The following SPATA16 variants were observed in gnomAD, a reference collection of about 807,000 sequenced individuals.
The protein encoded by SPATA16 is spermatogenesis-associated protein 16.
SPATA16 carries 36 observed loss-of-function variants against 63.3 expected under a neutral mutation model. That is an observed-to-expected ratio of 0.57 (90% CI 0.44 to 0.75). The LOEUF is 0.75. Among genes scored for constraint, SPATA16 ranks in the 30% least tolerant of loss-of-function variants. SPATA16 has a pLI of 0.00. For synonymous variants in SPATA16, 203 were observed against 216.7 expected (o/e 0.94, Z 0.56); for missense variants, 646 against 679.3 (o/e 0.95, Z 0.54).
chr3:172,889,596 G>T lies in SPATA16; in HGVS notation c.1684C>A (p.Arg562=), dbSNP rs367568019. Reference sequence around the variant, plus strand: ...TACCTTTGCTGAACAGTTTGAAGTCGCTTCATTTTTGTTTTTTGCCTTCGA... The same window carrying T: ...TACCTTTGCTGAACAGTTTGAAGTCTCTTCATTTTTGTTTTTTGCCTTCGA... ...TARRQKTKMK[R]LQTVQQR is the part of the protein sequence containing the mutation. Residue 562 remains arginine, a synonymous_variant, in exon 11 of 11, where the codon CGA becomes AGA. Coordinates refer to ENST00000351008, the MANE Select transcript of SPATA16 (RefSeq NM_031955.6). 1 of 1,613,674 alleles carries T rather than the reference G, an allele frequency of 6.2e-7. No individual in the cohort carries two copies. Among genetic ancestry groups the T allele is most frequent in the Admixed American group, 1.7e-5 (1 of 60,010 alleles).
chr3:173,017,216 T>C (rs573978427), intron 4 of SPATA16, among the ~76,000 whole-genome samples: 1 of 152,348 alleles, frequency 6.6e-6, no homozygotes, highest in South Asian at 2.1e-4. Flanking sequence ...GTAATTGTAT[T>C]GCATCTCTAT....
At chr3:172,927,425 G>A (rs1220783868) in intron 6 of SPATA16, among the ~76,000 whole-genome samples, 1 of 152,182 alleles carries the variant, frequency 6.6e-6, no homozygotes, top group African/African-American at 2.4e-5. Flanking sequence ...CAAACACAGA[G>A]CAAAAACATC....
intron 4 of SPATA16, among the ~76,000 whole-genome samples, chr3:172,998,252 GT>G (rs1184427894): frequency 6.6e-6 from 1 of 151,966 alleles, no homozygotes; most frequent in Non-Finnish European, 1.5e-5. Context: ...CTTGTACATA[GT>G]TTTGTTAGAT....
Position 173,117,375 on chromosome 3 carries a change from G to A in SPATA16, c.357C>T (p.Asn119=), listed in dbSNP as rs1737932410. 6.2e-7 allele frequency: 1 copy of A among 1,614,152 alleles called. No homozygotes were observed. Among genetic ancestry groups the A allele is most frequent in the African/African-American group, 1.3e-5 (1 of 75,052 alleles). The change falls in exon 2 of 11, where the codon AAC becomes AAT. Residue 119 remains asparagine (N), a synonymous_variant. Transcript: ENST00000351008. ...TMPLPHIPLK[N]IMDVEMKLVY... ...CCAACTTCATTTCCACATCCATTAT[G>A]TTCTTTAAGGGGATGTGAGGCAGAG...
At chr3:172,938,354 G>A (rs1173901554) in intron 6 of SPATA16, among the ~76,000 whole-genome samples, 1 of 152,160 alleles carries the variant, frequency 6.6e-6, no homozygotes, top group African/African-American at 2.4e-5. Flanking sequence ...CAAACAATAG[G>A]GAAGAAGGAG....
intron 4 of SPATA16, among the ~76,000 whole-genome samples, chr3:172,984,233 A>G (rs1734389249): frequency 6.6e-6 from 1 of 152,078 alleles, no homozygotes; most frequent in African/African-American, 2.4e-5. Flanking sequence ...GGATATCTTC[A>G]TCATCTCTGG....
At chr3:173,040,936 A>G (rs1302326111) in intron 3 of SPATA16, among the ~76,000 whole-genome samples, 4 of 152,128 alleles carry the variant, frequency 2.6e-5, no homozygotes, top group Non-Finnish European at 5.9e-5. Context: ...AAGGTGTTGT[A>G]TAATAGTTGT....
At chr3:173,036,721 T>C (rs556565561) in intron 3 of SPATA16, among the ~76,000 whole-genome samples, 2 of 152,156 alleles carry the variant, frequency 1.3e-5, no homozygotes, top group African/African-American at 2.4e-5. Context: ...TTGTGTGACA[T>C]TGAATTTTGT....
At chr3:173,041,992 C>A (rs1024589698) in intron 3 of SPATA16, among the ~76,000 whole-genome samples, 7 of 152,036 alleles carry the variant, frequency 4.6e-5, no homozygotes, top group African/African-American at 1.4e-4. Flanking sequence ...TAAAATATCT[C>A]ATTTCTTGAT....
chr3:172,900,503 C>T (rs1008024177), intron 10 of SPATA16, among the ~76,000 whole-genome samples: 1 of 152,114 alleles, frequency 6.6e-6, no homozygotes, highest in Admixed American at 6.6e-5. Context: ...TTTTTTCATC[C>T]TGCCCACTCT....
At chr3:172,914,468 A>G (rs1732436607) in intron 9 of SPATA16, among the ~76,000 whole-genome samples, 2 of 152,212 alleles carry the variant, frequency 1.3e-5, no homozygotes, top group African/African-American at 4.8e-5. Flanking sequence ...GACATCAAAC[A>G]GTAATGGACC....
chr3:172,963,272 G>A (rs1219643107), intron 5 of SPATA16, among the ~76,000 whole-genome samples: 1 of 152,040 alleles, frequency 6.6e-6, no homozygotes, highest in Non-Finnish European at 1.5e-5. Flanking sequence ...GCCCAGTGAT[G>A]TGAAAGTTAT....
rs553558521 is a variant in SPATA16, at chr3:172,969,525, T to A, written c.933+7443A>T. 3.3e-5 allele frequency among the ~76,000 whole-genome samples: 5 copies of A among 152,296 alleles called. No individual in the cohort carries two copies. The East Asian group carries it at 9.7e-4, about 29-fold the overall frequency. On this transcript the variant is annotated intron_variant, in intron 5 of 10. Coordinates refer to ENST00000351008, the MANE Select transcript of SPATA16 (RefSeq NM_031955.6). Reference sequence around the variant, plus strand: ...CAATAGAAAAATACAGTTTTTAGTATCCCACTCAACTCTAGGAATCTAATA... The same window carrying A: ...CAATAGAAAAATACAGTTTTTAGTAACCCACTCAACTCTAGGAATCTAATA...
At chr3:172,958,773 T>C (rs1208874801) in intron 5 of SPATA16, among the ~76,000 whole-genome samples, 4 of 152,074 alleles carry the variant, frequency 2.6e-5, no homozygotes, top group Admixed American at 6.6e-5. Context: ...TCATTCCTCT[T>C]TGTGTGTGTG....
chr3:173,034,984 C>T (rs1735682522), intron 3 of SPATA16, among the ~76,000 whole-genome samples: 1 of 152,150 alleles, frequency 6.6e-6, no homozygotes, highest in Non-Finnish European at 1.5e-5. Context: ...TGTATTGAGT[C>T]TCAACCTGTT....
chr3:172,926,073 G>C (rs1732726755), intron 6 of SPATA16, among the ~76,000 whole-genome samples: 9 of 152,002 alleles, frequency 5.9e-5, no homozygotes, highest in Admixed American at 5.3e-4. Context: ...TGATCTACCT[G>C]CCTTGGCCTC....
At chr3:172,918,690 A>G (rs188382494) in intron 8 of SPATA16, among the ~76,000 whole-genome samples, 38 of 152,244 alleles carry the variant, frequency 2.5e-4, no homozygotes, top group Admixed American at 2.4e-3. Context: ...GCTAACAAAG[A>G]CTAAATCTAA....
chr3:172,952,161 T>C (rs1477095107), intron 6 of SPATA16, among the ~76,000 whole-genome samples: 2 of 152,162 alleles, frequency 1.3e-5, no homozygotes, highest in Non-Finnish European at 2.9e-5. Flanking sequence ...AATAGATATA[T>C]GTACAAATGC....
At chr3:173,020,878 C>T (rs1735314639) in intron 3 of SPATA16, among the ~76,000 whole-genome samples, 1 of 152,168 alleles carries the variant, frequency 6.6e-6, no homozygotes, top group South Asian at 2.1e-4. Flanking sequence ...TGATGGGAAT[C>T]ACTTGGAATT....
Sources: allele counts gnomAD v4.1 joint callset (sites outside exome capture counted in the v4.1 genomes callset), GRCh38; gene constraint gnomAD v4.1.1; transcripts MANE v1.5; gene names NCBI Gene and HGNC (gene_info 2026-07-23, HGNC 2026-07-21).